RET: variants seen among roughly 807,000 people sequenced by gnomAD.
The protein encoded by RET is ret proto-oncogene, also known as proto-oncogene tyrosine-protein kinase receptor Ret.
In RET, 19 loss-of-function variants were observed where a neutral mutation model predicts 118.3. The observed-to-expected ratio is 0.16, with a 90% CI of 0.11 to 0.24. The LOEUF (loss-of-function observed/expected upper bound fraction) is 0.24, where lower values mean the gene tolerates loss of function less well. Ranked by LOEUF, RET falls within the 10% of genes least tolerant of loss-of-function variation. RET has a pLI of 1.00. For missense variants in RET, 1,219 were observed against 1,502.1 expected (o/e 0.81, Z 3.12); for synonymous variants, 597 against 644.1 (o/e 0.93, Z 1.11).
rs1838160779 is a variant in RET at position 43,119,653 on chromosome 10, G to C, written c.2515G>C (p.Asp839His). 1 of 1,613,322 alleles carries C rather than the reference G, an allele frequency of 6.2e-7. No homozygotes were observed. Among genetic ancestry groups the C allele is most frequent in the Non-Finnish European group, 8.5e-7 (1 of 1,179,968 alleles). The change falls in exon 14 of 20, where the codon GAC (aspartate) becomes CAC (histidine). Residue 839 changes from aspartate (D) to histidine (H), a missense_variant. Physicochemically the swap from Asp to His is moderately conservative, Grantham distance 81. This residue lies in a region of RET where 850 missense variants were observed against 969.6 expected (regional missense o/e 0.88). Transcript: ENST00000355710. Reference sequence around the variant, plus strand: ...AGGCAGCCGCAACTCCAGCTCCCTGGACCACCCGGATGAGCGGGCCCTCAC... The same window carrying C: ...AGGCAGCCGCAACTCCAGCTCCCTGCACCACCCGGATGAGCGGGCCCTCAC... ...SGGSRNSSSL[D>H]HPDERALTMG...
Position 43,114,654 on chromosome 10 carries a change from T to A in RET, c.2054T>A (p.Val685Asp), listed in dbSNP as rs1422796781. 6.2e-7 allele frequency: 1 copy of A among 1,612,718 alleles called. No homozygotes were observed. Among genetic ancestry groups the A allele is most frequent in the Non-Finnish European group, 8.5e-7 (1 of 1,179,928 alleles). Residue 685 changes from valine to aspartate, a missense_variant, in exon 11 of 20, where the codon GTC becomes GAC. Val to Asp is a radical substitution (Grantham distance 152). This residue lies in a region of RET where 850 missense variants were observed against 969.6 expected (regional missense o/e 0.88). Transcript: ENST00000355710. The surrounding 1 kb of genome is among the most constrained non-coding windows in gnomAD (Gnocchi z 4.6). ...CGGAGGCCCGCCCAGGCCTTCCCGG[T>A]CAGCTACTCCTCTTCCGGTGCCCGC... ...TFRRPAQAFP[V>D]SYSSSGARRP... is the part of the protein sequence containing the mutation.
intron 3 of RET, 93 bp downstream of exon 3, chr10:43,102,722 C>A: frequency 6.9e-7 from 1 of 1,457,216 alleles, no homozygotes; most frequent in East Asian, 2.3e-5. Context: ...GTTTATTCTT[C>A]ACCTTCATGC....
chr10:43,123,148 A>G (rs1490628367), intron 16 of RET, among the ~76,000 whole-genome samples: 1 of 152,086 alleles, frequency 6.6e-6, no homozygotes, highest in Non-Finnish European at 1.5e-5. Context: ...TTGTGATATG[A>G]TTTTGTTCCC....
intron 13 of RET, among the ~76,000 whole-genome samples, chr10:43,119,198 C>T (rs1267198306): frequency 1.3e-5 from 2 of 152,192 alleles, no homozygotes; most frequent in African/African-American, 4.8e-5. Context: ...CCCCAGCCTG[C>T]ACTGGGGCAG....
At chr10:43,095,589 C>A (rs1291410538) in intron 1 of RET, among the ~76,000 whole-genome samples, 1 of 152,246 alleles carries the variant, frequency 6.6e-6, no homozygotes, top group African/African-American at 2.4e-5. Context: ...AGCCCAGCCA[C>A]GTGTGGAACA....
At chr10:43,112,997 T>A (rs921534110) in intron 9 of RET, 34 bp downstream of exon 9, 3 of 1,553,774 alleles carry the variant, frequency 1.9e-6, no homozygotes, top group African/African-American at 2.7e-5. Context: ...TGGGAACAGG[T>A]AGGAGATAGT....
intron 13 of RET, among the ~76,000 whole-genome samples, chr10:43,119,258 T>C (rs563928932): frequency 3.9e-5 from 6 of 152,288 alleles, no homozygotes; most frequent in Admixed American, 3.9e-4. Context: ...GAGGGGTGCC[T>C]CCCAGGGCAG....
At position 43,106,422 on chromosome 10, in the gene RET, C is replaced by G; in HGVS notation, c.914C>G (p.Pro305Arg). ...CGTGTCTTCGATGCAGACGTGGTAC[C>G]TGCATCAGGGGAGCTGGTGAGGCGG... Reference protein sequence around the residue: ...TLRVFDADVVPASGELVRRYT... With the variant: ...TLRVFDADVVRASGELVRRYT... The change falls in exon 5 of 20, where the codon CCT becomes CGT. Residue 305 changes from proline (P) to arginine (R), a missense_variant. Physicochemically the swap from Pro to Arg is moderately radical, Grantham distance 103. Transcript: ENST00000355710. This position sits in a 1 kb window ranked among gnomAD's most constrained non-coding sequence, Gnocchi z 5.1. 6.2e-7 allele frequency: 1 copy of G among 1,613,408 alleles called. No homozygotes were observed. The highest frequency in any genetic ancestry group is 1.1e-5 in the South Asian group (1 of 91,034).
Position 43,120,078 on chromosome 10 carries a change from C to CA in RET, c.2608-2dup, listed in dbSNP as rs746724743. 1 of 1,613,668 alleles carries CA rather than the reference C, an allele frequency of 6.2e-7. No homozygotes were observed. The highest frequency in any genetic ancestry group is 8.5e-7 in the Non-Finnish European group (1 of 1,179,910). Reference sequence around the variant, plus strand: ...TGACGACTCGTGCTATTTTTCCTCACAGCTCGTTCATCGGGACTTGGCAGC... The same window carrying CA: ...TGACGACTCGTGCTATTTTTCCTCACAAGCTCGTTCATCGGGACTTGGCAGC... On this transcript the variant is annotated splice_polypyrimidine_tract_variant and splice_region_variant and intron_variant, in intron 14 of 19. Transcript: ENST00000355710.
At chr10:43,119,442 C>A in intron 13 of RET, 89 bp from the exon 14 acceptor site, 2 of 1,127,806 alleles carry the variant, frequency 1.8e-6, no homozygotes, top group South Asian at 1.4e-5. Context: ...GTGGCCGGGC[C>A]TGGGGACCCT....
At chr10:43,098,421 C>CTTTTT (rs36075879) in intron 1 of RET, among the ~76,000 whole-genome samples, 6 of 129,758 alleles carry the variant, frequency 4.6e-5, no homozygotes, top group Non-Finnish European at 4.8e-5. Flanking sequence ...GATTTTCCTC[C>CTTTTT]TTTTTTTTTT....
chr10:43,097,007 G>GT (rs1488817133), intron 1 of RET, among the ~76,000 whole-genome samples: 140 of 152,330 alleles, frequency 9.2e-4, no homozygotes, highest in African/African-American at 3.1e-3. Flanking sequence ...ATTTAAGTCT[G>GT]TTTCTGCTCG....
intron 1 of RET, among the ~76,000 whole-genome samples, chr10:43,096,260 G>A (rs1426295437): frequency 5.9e-5 from 9 of 152,182 alleles, no homozygotes; most frequent in South Asian, 2.1e-4. Context: ...CAGGCCAGGC[G>A]GCCCTTCTAG....
chr10:43,116,549 C>G (rs781070929), intron 11 of RET, 35 bp from the exon 12 acceptor site: 1 of 1,612,128 alleles, frequency 6.2e-7, no homozygotes, highest in Non-Finnish European at 8.5e-7. Flanking sequence ...ACACTTTTCC[C>G]CCCTCTTCTC....
rs979357910 is a variant in RET, at chr10:43,109,329, C to T, written c.1263+99C>T. The T allele has an allele frequency of 3.8e-5, 45 of 1,198,930 alleles. No individual in the cohort carries two copies. In the African/African-American group the frequency reaches 5.3e-4, roughly 14 times the overall value. 74.3% of individuals were successfully genotyped at this position (1,198,930 alleles called of 1,614,324 possible). On this transcript the variant is annotated intron_variant, in intron 6 of 19. Transcript: ENST00000355710. ...ACACTGCCTCTTGGCCCAACCAGCA[C>T]AGAGTAGACTGGGTGGAGTCCTGAG...
At chr10:43,085,665 G>A (rs533401242) in intron 1 of RET, among the ~76,000 whole-genome samples, 9 of 152,174 alleles carry the variant, frequency 5.9e-5, no homozygotes, top group Non-Finnish European at 1.3e-4. Context: ...GGGAGAAATC[G>A]AGGCCCTGAG....
At chr10:43,077,505 G>GGCGGCGGGCGGCGT (rs1363364305) in intron 1 of RET, among the ~76,000 whole-genome samples, 174 bp downstream of exon 1, 1 of 149,452 alleles carries the variant, frequency 6.7e-6, no homozygotes, top group Non-Finnish European at 1.5e-5. Context: ...GCGGGCGAAG[G>GGCGGCGGGCGGCGT]GCAGGACGCC....
At chr10:43,127,304 G>C (rs999063539) in intron 19 of RET, 3 of 1,071,314 alleles carry the variant, frequency 2.8e-6, no homozygotes, top group Non-Finnish European at 3.4e-6. Context: ...CTGGCCCTGG[G>C]AGGACGCACC....
Position 43,128,903 on chromosome 10 carries a change from T to C in RET, c.*634T>C, listed in dbSNP as rs1838391388. 5 of 240,066 alleles carry C rather than the reference T, an allele frequency of 2.1e-5. No homozygotes were observed. The South Asian group carries it at 8.1e-4, about 39-fold the overall frequency. 14.9% of individuals were successfully genotyped at this position (240,066 alleles called of 1,614,324 possible). On this transcript the variant is annotated 3_prime_UTR_variant, in exon 20 of 20. Transcript: ENST00000355710. ...AACCTTTCCTTAGGAAGACATTTGG[T>C]TTTCATCATGATTAAGATGATTCCT...
Sources: gnomAD v4.1 joint callset for allele counts (sites outside exome capture counted in the v4.1 genomes callset) on GRCh38, gnomAD v4.1.1 for gene constraint, gnomAD v4.1.1 regional missense constraint, Gnocchi (gnomAD v3.1) non-coding constraint, MANE v1.5 for transcripts, NCBI Gene and HGNC (gene_info 2026-07-23, HGNC 2026-07-21) for gene names.